RNF123: variants seen among roughly 807,000 people sequenced by gnomAD.
RNF123 encodes the protein ring finger protein 123, also known as E3 ubiquitin-protein ligase RNF123.
In RNF123, 86 loss-of-function variants were observed where a neutral mutation model predicts 168.5. The ratio of observed to expected loss-of-function variants is 0.51; its 90% confidence interval spans 0.43 to 0.61. The LOEUF (loss-of-function observed/expected upper bound fraction) is 0.61, where lower values mean the gene tolerates loss of function less well. RNF123 is among the 20% of genes least tolerant of loss of function. The probability of loss-of-function intolerance (pLI) is 0.00; values close to 1 mark genes in which losing one functional copy is unlikely to be tolerated. For missense variants in RNF123, 1,419 were observed against 1,729.7 expected (o/e 0.82, Z 3.19); for synonymous variants, 666 against 689.1 (o/e 0.97, Z 0.52).
intron 22 of RNF123, 73 bp downstream of exon 22, chr3:49,704,829 A>C: frequency 6.9e-7 from 1 of 1,446,854 alleles, no homozygotes; most frequent in Non-Finnish European, 9.4e-7. Context: ...GGTCTCATCC[A>C]GGGCCACTTC....
chr3:49,691,286 GGGA>G (rs772050530), intron 2 of RNF123, 39 bp downstream of exon 2: 2 of 1,602,958 alleles, frequency 1.2e-6, no homozygotes, highest in East Asian at 4.5e-5. Flanking sequence ...TCCTCTTGTT[GGGA>G]GGAGAAGGAA....
Position 49,716,091 on chromosome 3 carries a change from T to C in RNF123, c.3340-11T>C. The C allele has an allele frequency of 6.2e-7, 1 of 1,613,658 alleles. No individual in the cohort carries two copies. The highest frequency in any genetic ancestry group is 2.2e-5 in the East Asian group (1 of 44,862). ...TCCCCATCCACCAATGGACTCCTGC[T>C]CCCCTCACAGCTGCTAAACCAGGTG... On this transcript the variant is annotated splice_polypyrimidine_tract_variant and intron_variant, in intron 33 of 38. Coordinates refer to ENST00000327697, the MANE Select transcript of RNF123 (RefSeq NM_022064.5).
In RNF123 at chr3:49,705,970, C is replaced by A. The variant is rs766448130; in HGVS notation, c.2305-12C>A. The A allele has an allele frequency of 1.2e-6, 2 of 1,613,252 alleles. No homozygotes were observed. The highest frequency in any genetic ancestry group is 2.2e-5 in the East Asian group (1 of 44,876). On this transcript the variant is annotated splice_polypyrimidine_tract_variant and intron_variant, in intron 24 of 38. Coordinates refer to ENST00000327697, the MANE Select transcript of RNF123 (RefSeq NM_022064.5). ...AAGGGGCACTCTGGACATGTGGTCC[C>A]ATGCTGTGTAGATGGTGGGTGTCTC... is the stretch of plus-strand genomic sequence containing the variant.
intron 27 of RNF123, 123 bp downstream of exon 27, chr3:49,712,779 G>A: frequency 8.8e-7 from 1 of 1,142,612 alleles, no homozygotes; most frequent in Admixed American, 1.9e-5. Flanking sequence ...GGGAGGGGAG[G>A]AGCTTCCTCT....
At chr3:49,714,293 C>G (rs2080199278) in intron 31 of RNF123, 119 bp downstream of exon 31, 1 of 889,440 alleles carries the variant, frequency 1.1e-6, no homozygotes, top group Non-Finnish European at 1.8e-6. Context: ...CCATTGGGTC[C>G]CAGACTCCCT....
At position 49,699,241 on chromosome 3, in the gene RNF123, A is replaced by G. The variant is rs2108181049; in HGVS notation, c.764+136A>G. The G allele has an allele frequency of 7.8e-7, 1 of 1,275,868 alleles. No homozygotes were observed. The highest frequency in any genetic ancestry group is 1.1e-6 in the Non-Finnish European group (1 of 933,500). The allele number at this position is 1,275,868 out of a possible 1,614,324, so 79.0% of individuals were successfully genotyped here. On this transcript the variant is annotated intron_variant, in intron 10 of 38. Coordinates refer to ENST00000327697, the MANE Select transcript of RNF123 (RefSeq NM_022064.5). This position sits in a 1 kb window ranked among gnomAD's most constrained non-coding sequence, Gnocchi z 4.8. ...GCAGAGTTAGTGGGGGGCCATGTAG[A>G]GTGTCGAAGAAAACTTTCCTCGCAG... is the stretch of plus-strand genomic sequence containing the variant.
Position 49,699,342 on chromosome 3 carries a change from G to T in RNF123, c.765-126G>T. The T allele has an allele frequency of 3.0e-6, 3 of 984,440 alleles. No individual in the cohort carries two copies. Among genetic ancestry groups the T allele is most frequent in the Non-Finnish European group, 4.6e-6 (3 of 658,592 alleles). The allele number at this position is 984,440 out of a possible 1,614,324, so 61.0% of individuals were successfully genotyped here. On this transcript the variant is annotated intron_variant, in intron 10 of 38. Coordinates refer to ENST00000327697, the MANE Select transcript of RNF123 (RefSeq NM_022064.5). The surrounding 1 kb of genome is among the most constrained non-coding windows in gnomAD (Gnocchi z 4.8). ...GAAGCATCCTCCCTAGGGAGAATAAGTGGGCAAGTTGTGATGCAAACCAGC... is the reference window on the plus strand; with the variant it reads ...GAAGCATCCTCCCTAGGGAGAATAATTGGGCAAGTTGTGATGCAAACCAGC...
At chr3:49,704,552 C>T in intron 21 of RNF123, 98 bp from the exon 22 acceptor site, 1 of 1,030,128 alleles carries the variant, frequency 9.7e-7, no homozygotes, top group Non-Finnish European at 1.4e-6. Flanking sequence ...TGCAAGGCCT[C>T]CTGCCCAGTG....
In RNF123 at chr3:49,701,873, C is replaced by T. The variant is rs758308937; in HGVS notation, c.1458C>T (p.Tyr486=). 8.9e-6 allele frequency: 14 copies of T among 1,567,298 alleles called. No individual in the cohort carries two copies. In the East Asian group the frequency reaches 2.1e-4, roughly 23 times the overall value. The change falls in exon 17 of 39, where the codon TAC becomes TAT. Residue 486 remains tyrosine, a synonymous_variant. Transcript: ENST00000327697. ...TAEERLRRRA[Y]ERGCQRLRKR... is the part of the protein sequence containing the mutation. ...AGGAGCGGCTGCGGCGGCGAGCCTACGAACGGGGCTGTCAGCGGCTCAGGA... is the reference window on the plus strand; with the variant it reads ...AGGAGCGGCTGCGGCGGCGAGCCTATGAACGGGGCTGTCAGCGGCTCAGGA...
Position 49,698,327 on chromosome 3 carries a change from C to T in RNF123, c.484-113C>T, listed in dbSNP as rs562578923. Reference sequence around the variant, plus strand: ...AGAGAATACCTCTTACTCTTTCCCTCAGATCATCTGTTCCCTTCTGTAGAG... The same window carrying T: ...AGAGAATACCTCTTACTCTTTCCCTTAGATCATCTGTTCCCTTCTGTAGAG... On this transcript the variant is annotated intron_variant, in intron 7 of 38. Coordinates refer to ENST00000327697, the MANE Select transcript of RNF123 (RefSeq NM_022064.5). 7.9e-6 allele frequency: 8 copies of T among 1,009,586 alleles called. No individual in the cohort carries two copies. In the East Asian group the frequency reaches 1.9e-4, roughly 25 times the overall value. The allele number at this position is 1,009,586 out of a possible 1,614,324, so 62.5% of individuals were successfully genotyped here. A position where few individuals can be genotyped will look rare whatever the true frequency, so the allele number is the denominator to read the frequency against.
chr3:49,691,260 A>G lies in RNF123; in HGVS notation c.82+13A>G. 1.9e-6 allele frequency: 3 copies of G among 1,613,070 alleles called. No individual in the cohort carries two copies. The highest frequency in any genetic ancestry group is 2.5e-6 in the Non-Finnish European group (3 of 1,179,056). On this transcript the variant is annotated intron_variant, in intron 2 of 38. Coordinates refer to ENST00000327697, the MANE Select transcript of RNF123 (RefSeq NM_022064.5). Reference sequence around the variant, plus strand: ...TCCAGGGTCACAGGTAAGAGCTGGCAGGGAAGGAAGGAGGCTCCTCTTGTT... The same window carrying G: ...TCCAGGGTCACAGGTAAGAGCTGGCGGGGAAGGAAGGAGGCTCCTCTTGTT...
At position 49,697,164 on chromosome 3, in the gene RNF123, C is replaced by G; in HGVS notation, c.189C>G (p.Asn63Lys). 1 of 1,614,120 alleles carries G rather than the reference C, an allele frequency of 6.2e-7. No homozygotes were observed. The highest frequency in any genetic ancestry group is 8.5e-7 in the Non-Finnish European group (1 of 1,180,020). ...ATSRKPLNFQNLPEHLDQLLQ... is the reference protein window; with the variant it reads ...ATSRKPLNFQKLPEHLDQLLQ... ...CCAGGAAACCCCTGAACTTCCAGAACCTGCCAGAACATTTGGACCAGTTGC... is the reference window on the plus strand; with the variant it reads ...CCAGGAAACCCCTGAACTTCCAGAAGCTGCCAGAACATTTGGACCAGTTGC... Residue 63 changes from asparagine to lysine, a missense_variant, in exon 4 of 39, where the codon AAC (asparagine) becomes AAG (lysine). Around this residue, in one of 5 missense-constraint regions of RNF123, gnomAD observed 318 missense variants for 446.6 expected, o/e 0.71. Coordinates refer to ENST00000327697, the MANE Select transcript of RNF123 (RefSeq NM_022064.5).
chr3:49,713,466 T>C (rs778124554), intron 27 of RNF123, 47 bp from the exon 28 acceptor site: 7 of 1,548,674 alleles, frequency 4.5e-6, no homozygotes, highest in Non-Finnish European at 6.1e-6. Context: ...TGCCTGCCTC[T>C]GGAGCCCCCA....
rs1473444822 is a variant in RNF123, at chr3:49,691,513, T to C, written c.167+4T>C. 1.9e-6 allele frequency: 3 copies of C among 1,613,294 alleles called. No homozygotes were observed. The highest frequency in any genetic ancestry group is 2.5e-6 in the Non-Finnish European group (3 of 1,179,408). On this transcript the variant is annotated splice_donor_region_variant and intron_variant, in intron 3 of 38. Coordinates refer to ENST00000327697, the MANE Select transcript of RNF123 (RefSeq NM_022064.5). ...CACCCCCAGCAGCCACCAGCAGGTATGGCTGGGTGGGTGGCCCCTCCTCAC... is the reference window on the plus strand; with the variant it reads ...CACCCCCAGCAGCCACCAGCAGGTACGGCTGGGTGGGTGGCCCCTCCTCAC...
At position 49,704,591 on chromosome 3, in the gene RNF123, T is replaced by C. The variant is rs1425766330; in HGVS notation, c.1853-59T>C. 2.8e-6 allele frequency: 4 copies of C among 1,451,358 alleles called. No homozygotes were observed. The Admixed American group carries it at 8.1e-5, about 29-fold the overall frequency. 89.9% of individuals were successfully genotyped at this position (1,451,358 alleles called of 1,614,324 possible). A position where few individuals can be genotyped will look rare whatever the true frequency, so the allele number is the denominator to read the frequency against. ...TGGGCTCTCTCACCGTCCTGGGCAC[T>C]TCCACTGTGGCCCCTTGCGCCACCA... On this transcript the variant is annotated intron_variant, in intron 21 of 38. Coordinates refer to ENST00000327697, the MANE Select transcript of RNF123 (RefSeq NM_022064.5).
At chr3:49,713,104 A>G in intron 27 of RNF123, 1 of 600,862 alleles carries the variant, frequency 1.7e-6, no homozygotes, top group Non-Finnish European at 3.0e-6. Flanking sequence ...CAGCCTGCTG[A>G]TTCCAGGCTG....
chr3:49,715,384 G>A (rs992550303), intron 31 of RNF123, 191 bp from the exon 32 acceptor site: 2 of 663,030 alleles, frequency 3.0e-6, no homozygotes, highest in South Asian at 1.9e-5. Context: ...CCTAGTAGAA[G>A]GAGGGGACAG....
chr3:49,698,641 G>A, intron 8 of RNF123, 114 bp from the exon 9 acceptor site: 1 of 1,530,148 alleles, frequency 6.5e-7, no homozygotes, highest in Non-Finnish European at 9.0e-7. Context: ...AGGGACCCAG[G>A]TCCTTTGTCC....
In RNF123 at chr3:49,719,133, C is replaced by T. The variant is rs142819877; in HGVS notation, c.3501-1378C>T. ...TGTTAGATGATAGATCGAGCAGCCT[C>T]AGGCCGCTGGCGTTGACGAAGACGC... On this transcript the variant is annotated intron_variant, in intron 35 of 38. Coordinates refer to ENST00000327697, the MANE Select transcript of RNF123 (RefSeq NM_022064.5). 34 of 1,613,522 alleles carry T rather than the reference C, an allele frequency of 2.1e-5. 2 individuals carry two copies. In the South Asian group the frequency reaches 3.1e-4, roughly 15 times the overall value.
Sources: allele counts gnomAD v4.1 joint callset, GRCh38; gene constraint gnomAD v4.1.1; regional missense constraint gnomAD v4.1.1; non-coding constraint Gnocchi (gnomAD v3.1); transcripts MANE v1.5; gene names NCBI Gene and HGNC (gene_info 2026-07-23, HGNC 2026-07-21).